RNGTT: variants seen among roughly 807,000 people sequenced by gnomAD.
RNGTT encodes mRNA-capping enzyme.
In RNGTT, 33 loss-of-function variants were observed where a neutral mutation model predicts 79.3. The ratio of observed to expected loss-of-function variants is 0.42; its 90% CI spans 0.32 to 0.56. The LOEUF is 0.56. RNGTT is among the 20% of genes least tolerant of loss of function. The pLI is 0.17. For missense variants in RNGTT, 497 were observed against 739.1 expected (o/e 0.67, Z 3.80); for synonymous variants, 222 against 235.9 (o/e 0.94, Z 0.54).
At chr6:88,686,253 T>C (rs1398673727) in intron 13 of RNGTT, among the ~76,000 whole-genome samples, 1 of 151,764 alleles carries the variant, frequency 6.6e-6, no homozygotes, top group Non-Finnish European at 1.5e-5. Flanking sequence ...AATAAAAGTA[T>C]CAAACATTAT....
At chr6:88,712,865 A>G (rs1776365522) in intron 13 of RNGTT, among the ~76,000 whole-genome samples, 1 of 152,122 alleles carries the variant, frequency 6.6e-6, no homozygotes, top group Admixed American at 6.6e-5. Context: ...CACAAAAGAA[A>G]TCTCCATGAT....
intron 14 of RNGTT, among the ~76,000 whole-genome samples, chr6:88,656,983 C>T (rs961867320): frequency 6.6e-6 from 1 of 151,916 alleles, no homozygotes; most frequent in Non-Finnish European, 1.5e-5. Flanking sequence ...CCCAGCTACT[C>T]GAGAGGCTGA....
chr6:88,950,720 T>C (rs1037583664), intron 1 of RNGTT, among the ~76,000 whole-genome samples: 1 of 152,112 alleles, frequency 6.6e-6, no homozygotes. Context: ...TAGTCCCAGC[T>C]ACTCAGGAGG....
At chr6:88,642,956 A>C (rs1773379977) in intron 14 of RNGTT, among the ~76,000 whole-genome samples, 2 of 152,224 alleles carry the variant, frequency 1.3e-5, no homozygotes, top group Admixed American at 1.3e-4. Context: ...CCTTGAAAAT[A>C]ATGTCAAAGA....
At chr6:88,676,526 A>G (rs1035711409) in intron 14 of RNGTT, among the ~76,000 whole-genome samples, 1 of 152,208 alleles carries the variant, frequency 6.6e-6, no homozygotes, top group Non-Finnish European at 1.5e-5. Flanking sequence ...TTGGGTTAGG[A>G]AAATATTTCT....
intron 14 of RNGTT, among the ~76,000 whole-genome samples, chr6:88,640,185 A>T (rs142478024): frequency 6.6e-6 from 1 of 152,270 alleles, no homozygotes; most frequent in East Asian, 1.9e-4. Context: ...GCACATAAAG[A>T]TGCTTAATGA....
At chr6:88,874,127 A>C (rs1782439520) in intron 8 of RNGTT, among the ~76,000 whole-genome samples, 1 of 152,152 alleles carries the variant, frequency 6.6e-6, no homozygotes, top group Non-Finnish European at 1.5e-5. Context: ...AAAGTGTAAA[A>C]TCAAATGATA....
At chr6:88,630,402 C>T (rs944712880) in intron 14 of RNGTT, among the ~76,000 whole-genome samples, 36 of 152,180 alleles carry the variant, frequency 2.4e-4, no homozygotes, top group African/African-American at 9.7e-5. Context: ...GGACCACAGT[C>T]CTTCAAATCC....
intron 14 of RNGTT, among the ~76,000 whole-genome samples, chr6:88,665,511 C>T (rs1270967663): frequency 6.6e-6 from 1 of 152,226 alleles, no homozygotes; most frequent in Non-Finnish European, 1.5e-5. Context: ...AGTGACTTTC[C>T]ATCCAACAGT....
intron 12 of RNGTT, among the ~76,000 whole-genome samples, chr6:88,774,119 A>C (rs569041441): frequency 2.6e-5 from 4 of 152,200 alleles, no homozygotes; most frequent in African/African-American, 4.8e-5. Context: ...AAATGGATAC[A>C]ACTTAACAAC....
At chr6:88,696,069 G>A (rs1474439280) in intron 13 of RNGTT, among the ~76,000 whole-genome samples, 1 of 152,086 alleles carries the variant, frequency 6.6e-6, no homozygotes, top group African/African-American at 2.4e-5. Flanking sequence ...AAAGGTTTTT[G>A]GGATACACTG....
intron 6 of RNGTT, among the ~76,000 whole-genome samples, chr6:88,900,096 A>G (rs1233784946): frequency 1.3e-5 from 2 of 151,928 alleles, no homozygotes; most frequent in Non-Finnish European, 2.9e-5. Flanking sequence ...TTTTTCATAA[A>G]CAATGTCTAG....
At chr6:88,639,696 C>T (rs1388281182) in intron 14 of RNGTT, among the ~76,000 whole-genome samples, 1 of 152,088 alleles carries the variant, frequency 6.6e-6, no homozygotes, top group Non-Finnish European at 1.5e-5. Context: ...CTGAAAAATG[C>T]CTAGTACTTT....
chr6:88,646,270 A>G (rs1773553885), intron 14 of RNGTT, among the ~76,000 whole-genome samples: 1 of 152,256 alleles, frequency 6.6e-6, no homozygotes, highest in Non-Finnish European at 1.5e-5. Context: ...AATCAGAGAA[A>G]TGCAAATCAA....
chr6:88,818,268 G>C (rs1022425042), intron 11 of RNGTT, among the ~76,000 whole-genome samples: 1 of 152,026 alleles, frequency 6.6e-6, no homozygotes, highest in African/African-American at 2.4e-5. Context: ...CAAGACATTG[G>C]GTTAACCAGG....
In RNGTT at chr6:88,850,068, T is replaced by C. The variant is rs59283357; in HGVS notation, c.1033-242A>G. ...CAATATCTCATCATATTTTTCATATTTGAATTTCCATGCTACATTTTGCTT... is the reference window on the plus strand; with the variant it reads ...CAATATCTCATCATATTTTTCATATCTGAATTTCCATGCTACATTTTGCTT... On this transcript the variant is annotated intron_variant, in intron 9 of 15. Transcript: ENST00000369485. Among the ~76,000 whole-genome samples, 952 of 152,092 alleles carry C rather than the reference T, an allele frequency of 6.3e-3. 10 individuals are homozygous for C. The highest frequency in any genetic ancestry group is 0.022 in the African/African-American group (912 of 41,552).
intron 14 of RNGTT, among the ~76,000 whole-genome samples, chr6:88,623,451 C>T (rs1324088638): frequency 6.6e-6 from 1 of 152,048 alleles, no homozygotes; most frequent in Non-Finnish European, 1.5e-5. Context: ...CCACCCAATT[C>T]CTTGTGACAG....
chr6:88,769,417 C>A (rs2127841821), intron 13 of RNGTT, among the ~76,000 whole-genome samples: 1 of 152,216 alleles, frequency 6.6e-6, no homozygotes. Flanking sequence ...ATCTTGGCCT[C>A]CCAAAGTGCT....
intron 11 of RNGTT, among the ~76,000 whole-genome samples, chr6:88,837,732 A>T (rs1472518614): frequency 6.6e-6 from 1 of 152,184 alleles, no homozygotes; most frequent in African/African-American, 2.4e-5. Context: ...TTCGATCTAT[A>T]GTAGATGAAA....
Sources: gnomAD v4.1 joint callset for allele counts (sites outside exome capture counted in the v4.1 genomes callset) on GRCh38, gnomAD v4.1.1 for gene constraint, MANE v1.5 for transcripts, NCBI Gene and HGNC (gene_info 2026-07-23, HGNC 2026-07-21) for gene names.